TRHDE: variants seen among roughly 807,000 people sequenced by gnomAD.
TRHDE encodes the protein thyrotropin-releasing hormone-degrading ectoenzyme.
In TRHDE, 72 loss-of-function variants were observed where a neutral mutation model predicts 125.7. The observed-to-expected ratio is 0.57, with a 90% CI of 0.47 to 0.70. The LOEUF (loss-of-function observed/expected upper bound fraction) is 0.70. Among genes scored for constraint, TRHDE ranks in the 30% least tolerant of loss-of-function variants. The pLI, the probability that TRHDE is intolerant of heterozygous loss-of-function variation, is 0.00. For missense variants in TRHDE, 1,110 were observed against 1,327.1 expected, an observed-to-expected ratio of 0.84 and a Z score of 2.54; for synonymous variants, 509 against 509.1, an observed-to-expected ratio of 1.00 and a Z score of 0.00.
chr12:72,143,741 T>A (rs1876168264), intron 2 of TRHDE, among the ~76,000 whole-genome samples: 1 of 152,048 alleles, frequency 6.6e-6, no homozygotes, highest in Non-Finnish European at 1.5e-5. Context: ...CTCTCCTTGG[T>A]CATGATGGTA....
At chr12:72,575,608 A>G in intron 12 of TRHDE, 66 bp downstream of exon 12, 2 of 1,343,728 alleles carry the variant, frequency 1.5e-6, no homozygotes, top group Non-Finnish European at 2.1e-6. Context: ...ATTAAACTGC[A>G]TAATATGTAT....
At chr12:72,166,406 C>A (rs1217659153) in intron 2 of TRHDE, among the ~76,000 whole-genome samples, 2 of 151,984 alleles carry the variant, frequency 1.3e-5, no homozygotes, top group East Asian at 1.9e-4. Flanking sequence ...TATACAATTA[C>A]CAGCAGAATT....
chr12:72,614,046 G>A (rs1051164246), intron 12 of TRHDE, among the ~76,000 whole-genome samples: 1 of 151,890 alleles, frequency 6.6e-6, no homozygotes, highest in Non-Finnish European at 1.5e-5. Flanking sequence ...GAGTCAGGGG[G>A]AGGTGTCATA....
chr12:72,428,023 T>A (rs1874264595), intron 3 of TRHDE, among the ~76,000 whole-genome samples: 1 of 152,120 alleles, frequency 6.6e-6, no homozygotes, highest in African/African-American at 2.4e-5. Flanking sequence ...TGTTAGGCAC[T>A]CAGACAACAT....
chr12:72,388,581 C>G (rs996841441), intron 3 of TRHDE, among the ~76,000 whole-genome samples: 1 of 152,098 alleles, frequency 6.6e-6, no homozygotes, highest in African/African-American at 2.4e-5. Context: ...GCTTCAGCTG[C>G]TGTGTAAATA....
At chr12:72,106,080 G>A (rs1038958766) in intron 2 of TRHDE, among the ~76,000 whole-genome samples, 1 of 152,096 alleles carries the variant, frequency 6.6e-6, no homozygotes, top group Non-Finnish European at 1.5e-5. Flanking sequence ...AACCAATGGG[G>A]AACAGATGAT....
chr12:72,475,449 T>C (rs1876847143), intron 5 of TRHDE, among the ~76,000 whole-genome samples: 1 of 152,174 alleles, frequency 6.6e-6, no homozygotes, highest in African/African-American at 2.4e-5. Context: ...TTAAAAGTAG[T>C]CAACAGAATT....
At chr12:72,300,453 A>T (rs1322290248) in intron 2 of TRHDE, among the ~76,000 whole-genome samples, 2 of 151,700 alleles carry the variant, frequency 1.3e-5, no homozygotes, top group Non-Finnish European at 2.9e-5. Context: ...TATTTTTTAT[A>T]TATATGTATT....
intron 2 of TRHDE, among the ~76,000 whole-genome samples, chr12:72,298,786 C>T (rs1280148549): frequency 1.3e-5 from 2 of 152,120 alleles, no homozygotes; most frequent in Non-Finnish European, 2.9e-5. Flanking sequence ...ATGTCTTATC[C>T]TCTTTGTCAA....
chr12:72,580,852 G>T (rs1871193238), intron 12 of TRHDE, among the ~76,000 whole-genome samples: 1 of 152,192 alleles, frequency 6.6e-6, no homozygotes, highest in African/African-American at 2.4e-5. Flanking sequence ...ATCTAGCAGG[G>T]AAGATGCATG....
At position 72,669,766 on chromosome 12, in the gene TRHDE, T is replaced by C. The variant is rs73330604; in HGVS notation, c.*6571T>C. On this transcript the variant is annotated 3_prime_UTR_variant, in exon 19 of 19. Transcript: ENST00000261180. ...GAATTTTTCCTCAAATGTTGTATTCTACCTTTCAAAATATTGTGTAACAGC... is the reference window on the plus strand; with the variant it reads ...GAATTTTTCCTCAAATGTTGTATTCCACCTTTCAAAATATTGTGTAACAGC... 355 of 152,014 alleles carry C rather than the reference T, an allele frequency of 2.3e-3. 3 individuals carry two copies. The highest frequency in any genetic ancestry group is 8.1e-3 in the African/African-American group (338 of 41,544). The allele number at this position is 152,014 out of a possible 1,614,324, so 9.4% of individuals were successfully genotyped here.
chr12:72,419,709 T>C (rs1873873694), intron 3 of TRHDE, among the ~76,000 whole-genome samples: 1 of 152,074 alleles, frequency 6.6e-6, no homozygotes, highest in Non-Finnish European at 1.5e-5. Flanking sequence ...GGGAAAAATA[T>C]CCAAACTATA....
Position 72,164,297 on chromosome 12 carries a change from G to A in TRHDE, n.279+58545G>A, listed in dbSNP as rs967790837. Among the ~76,000 whole-genome samples, 7 of 152,248 alleles carry A rather than the reference G, an allele frequency of 4.6e-5. No individual in the cohort carries two copies. The East Asian group carries it at 1.2e-3, about 25-fold the overall frequency. ...TTATGTAATGAAGGCCAACTCTGGC[G>A]ACAACCACATCAGAAAGCCTGAGCA... On this transcript the variant is annotated intron_variant and non_coding_transcript_variant, in intron 2 of 4. Coordinates refer to the TRHDE transcript ENST00000548156.
At position 72,562,916 on chromosome 12, in the gene TRHDE, A is replaced by T. The variant is rs776524717; in HGVS notation, c.1918A>T (p.Met640Leu). The T allele has an allele frequency of 6.2e-7, 1 of 1,610,700 alleles. No individual in the cohort carries two copies. Among genetic ancestry groups the T allele is most frequent in the Non-Finnish European group, 8.5e-7 (1 of 1,178,694 alleles). The change falls in exon 9 of 19, where the codon ATG (methionine) becomes TTG (leucine). Residue 640 changes from methionine (M) to leucine (L), a missense_variant. By Grantham distance (15) the Met-to-Leu change is conservative. This residue lies in a region of TRHDE where 527 missense variants were observed against 651.8 expected (regional missense o/e 0.81). Coordinates refer to ENST00000261180, the MANE Select transcript of TRHDE (RefSeq NM_013381.3). ...AGTAATGGATCAGTGGACACTCCAG[A>T]TGGGTTATCCTGTTATCACCATCTT... ...QEVMDQWTLQ[M>L]GYPVITILGN...
intron 6 of TRHDE, among the ~76,000 whole-genome samples, chr12:72,502,742 T>C (rs1878208741): frequency 6.6e-6 from 1 of 152,202 alleles, no homozygotes; most frequent in Non-Finnish European, 1.5e-5. Context: ...CATGCTTTCT[T>C]GATGGGCCTT....
At chr12:72,214,972 T>A (rs1174849098) in intron 2 of TRHDE, among the ~76,000 whole-genome samples, 2 of 152,226 alleles carry the variant, frequency 1.3e-5, no homozygotes, top group Non-Finnish European at 2.9e-5. Flanking sequence ...ATGCAAACGA[T>A]CATTTATTGA....
At chr12:72,428,514 T>G (rs1230437928) in intron 3 of TRHDE, among the ~76,000 whole-genome samples, 1 of 152,134 alleles carries the variant, frequency 6.6e-6, no homozygotes, top group Non-Finnish European at 1.5e-5. Context: ...ATTAATTTTT[T>G]TAATATAACA....
chr12:72,465,684 A>G (rs1470484980), intron 3 of TRHDE, among the ~76,000 whole-genome samples: 1 of 152,110 alleles, frequency 6.6e-6, no homozygotes, highest in Non-Finnish European at 1.5e-5. Context: ...TTGTGTACAA[A>G]TGTTTGTGTA....
chr12:72,349,264 CATAGAAAT>C (rs1199441343), intron 2 of TRHDE, among the ~76,000 whole-genome samples: 3 of 152,040 alleles, frequency 2.0e-5, no homozygotes, highest in Non-Finnish European at 4.4e-5. Context: ...TCTGAATCAT[CATAGAAAT>C]ACATGGTTTC....
Sources: gnomAD v4.1 joint callset for allele counts (sites outside exome capture counted in the v4.1 genomes callset) on GRCh38, gnomAD v4.1.1 for gene constraint, gnomAD v4.1.1 regional missense constraint, MANE v1.5 for transcripts, NCBI Gene and HGNC (gene_info 2026-07-23, HGNC 2026-07-21) for gene names.